The following INPP4B variants were observed in gnomAD, a reference collection of about 807,000 sequenced individuals.
The protein encoded by INPP4B is inositol polyphosphate-4-phosphatase type II B, also known as inositol polyphosphate 4-phosphatase type II.
In INPP4B, 55 loss-of-function variants were observed where a neutral mutation model predicts 122.5. The ratio of observed to expected loss-of-function variants is 0.45; its 90% CI spans 0.36 to 0.56. The LOEUF (loss-of-function observed/expected upper bound fraction) is 0.56. INPP4B is among the 20% of genes least tolerant of loss of function. The pLI is 0.00. For synonymous variants in INPP4B, 403 were observed against 388.7 expected, an observed-to-expected ratio of 1.04 and a Z score of -0.43; for missense variants, 1,000 against 1,097.7, an observed-to-expected ratio of 0.91 and a Z score of 1.26.
At chr4:142,806,851 GGAGAAGAA>G (rs1778929910) in intron 1 of INPP4B, among the ~76,000 whole-genome samples, 2 of 148,016 alleles carry the variant, frequency 1.4e-5, no homozygotes, top group South Asian at 2.1e-4. Context: ...AAGAAAGAAA[GGAGAAGAA>G]AAAGAAACAA....
chr4:142,214,337 C>G (rs1163843159), intron 12 of INPP4B, among the ~76,000 whole-genome samples: 2 of 152,192 alleles, frequency 1.3e-5, no homozygotes, highest in Non-Finnish European at 2.9e-5. Flanking sequence ...ACCACAGACA[C>G]TTTCAGCCCC....
intron 25 of INPP4B, among the ~76,000 whole-genome samples, chr4:142,038,765 G>A (rs906739353): frequency 3.3e-5 from 5 of 152,180 alleles, no homozygotes; most frequent in African/African-American, 4.8e-5. Flanking sequence ...AGTGTAAGGC[G>A]TAGGCTGCCT....
At chr4:142,192,940 T>G in intron 15 of INPP4B, 147 bp downstream of exon 15, 1 of 507,336 alleles carries the variant, frequency 2.0e-6, no homozygotes, top group Non-Finnish European at 3.6e-6. Context: ...CTCTGGTAGT[T>G]TTGAGATATT....
chr4:142,103,688 C>T (rs1300625799), intron 23 of INPP4B, among the ~76,000 whole-genome samples: 1 of 151,958 alleles, frequency 6.6e-6, no homozygotes, highest in Admixed American at 6.6e-5. Flanking sequence ...CGGCATAGAC[C>T]GTATCTTACT....
intron 25 of INPP4B, among the ~76,000 whole-genome samples, chr4:142,067,042 C>T (rs1462132826): frequency 1.3e-5 from 2 of 152,136 alleles, no homozygotes; most frequent in African/African-American, 4.8e-5. Flanking sequence ...GGTCCCTGAC[C>T]CCCAAGTAGC....
At chr4:142,403,551 T>C (rs1178094164) in intron 6 of INPP4B, among the ~76,000 whole-genome samples, 4 of 152,166 alleles carry the variant, frequency 2.6e-5, no homozygotes, top group Admixed American at 6.5e-5. Flanking sequence ...ATTTTTTTTT[T>C]CCTCAGAATC....
chr4:142,707,236 C>T (rs1231235486), intron 2 of INPP4B, among the ~76,000 whole-genome samples: 2 of 152,196 alleles, frequency 1.3e-5, no homozygotes, highest in African/African-American at 4.8e-5. Flanking sequence ...CTTGTCTTCC[C>T]ATTCTCAGTC....
At chr4:142,630,377 A>G (rs1372416851) in intron 2 of INPP4B, among the ~76,000 whole-genome samples, 1 of 152,160 alleles carries the variant, frequency 6.6e-6, no homozygotes, top group Non-Finnish European at 1.5e-5. Flanking sequence ...AAATCAAATT[A>G]AATATTTAAA....
chr4:142,242,888 A>C (rs541692539), intron 11 of INPP4B, among the ~76,000 whole-genome samples: 2 of 151,848 alleles, frequency 1.3e-5, no homozygotes, highest in Admixed American at 6.6e-5. Flanking sequence ...GTGTGGGGGG[A>C]GTGGTGGAGA....
intron 1 of INPP4B, among the ~76,000 whole-genome samples, chr4:142,749,921 T>C (rs998491435): frequency 2.0e-5 from 3 of 151,830 alleles, no homozygotes; most frequent in Admixed American, 6.6e-5. Flanking sequence ...CAATAATAGA[T>C]GAAAAATAAT....
In INPP4B at chr4:142,688,454, A is replaced by G. The variant is rs143115258; in HGVS notation, c.-191+37385T>C. On this transcript the variant is annotated intron_variant, in intron 2 of 25. Transcript: ENST00000262992. ...TTCTCTGGAAAACATTTATCTTTCA[A>G]GACCCAACCAAAAATCCTCCCATAT... 1.4e-4 allele frequency among the ~76,000 whole-genome samples: 22 copies of G among 152,212 alleles called. No homozygotes were observed. In the East Asian group the frequency reaches 3.3e-3, roughly 23 times the overall value.
intron 2 of INPP4B, among the ~76,000 whole-genome samples, chr4:142,490,589 C>T (rs2149780726): frequency 6.6e-6 from 1 of 152,072 alleles, no homozygotes; most frequent in Middle Eastern, 3.4e-3. Flanking sequence ...TAGCAATTTT[C>T]AAGAATATAA....
rs367994086 is a variant in INPP4B at position 142,819,929 on chromosome 4, C to G, written c.-254+26280G>C. 2.0e-5 allele frequency among the ~76,000 whole-genome samples: 3 copies of G among 152,160 alleles called. No individual in the cohort carries two copies. In the East Asian group the frequency reaches 5.8e-4, roughly 30 times the overall value. ...AGTCCTACAGTGAATCTGCCTCGAG[C>G]CGAGGCTAAAATTTACTTGAAATCA... On this transcript the variant is annotated intron_variant, in intron 1 of 25. Coordinates refer to ENST00000262992, the MANE Select transcript of INPP4B (RefSeq NM_001101669.3).
intron 12 of INPP4B, among the ~76,000 whole-genome samples, chr4:142,233,235 T>C (rs1855229683): frequency 1.3e-5 from 2 of 152,036 alleles, no homozygotes; most frequent in Admixed American, 6.6e-5. Flanking sequence ...TGTATGTGTA[T>C]TCCCACAGGT....
intron 1 of INPP4B, among the ~76,000 whole-genome samples, chr4:142,734,749 G>A (rs554491854): frequency 3.9e-5 from 6 of 152,218 alleles, no homozygotes; most frequent in African/African-American, 1.4e-4. Context: ...GGGATCGAGC[G>A]ATTCTCTTGC....
At chr4:142,699,624 T>C (rs1205441838) in intron 2 of INPP4B, among the ~76,000 whole-genome samples, 5 of 152,218 alleles carry the variant, frequency 3.3e-5, no homozygotes, top group Non-Finnish European at 7.3e-5. Flanking sequence ...CTCATGCATA[T>C]ACCTCAAATT....
intron 8 of INPP4B, among the ~76,000 whole-genome samples, chr4:142,309,913 A>G (rs2151258713): frequency 6.6e-6 from 1 of 152,308 alleles, no homozygotes; most frequent in Middle Eastern, 3.4e-3. Flanking sequence ...CCACATGAAT[A>G]GTGTAACCCA....
At position 142,489,683 on chromosome 4, in the gene INPP4B, C is replaced by T. The variant is rs10030505; in HGVS notation, c.-190-26957G>A. Among the ~76,000 whole-genome samples the T allele has an allele frequency of 9.5e-3, 1,451 of 152,214 alleles. 21 individuals are homozygous for T. Among genetic ancestry groups the T allele is most frequent in the African/African-American group, 0.033 (1,374 of 41,542 alleles). ...GGCTGGGATTACAGGTGTGAGCCAC[C>T]ACACCTGGCGTAGATGGTGTTTAGG... On this transcript the variant is annotated intron_variant, in intron 2 of 25. Transcript: ENST00000262992.
Position 142,061,927 on chromosome 4 carries a change from T to C in INPP4B, c.2642+20104A>G, listed in dbSNP as rs1272543036. On this transcript the variant is annotated intron_variant, in intron 25 of 25. Transcript: ENST00000262992. ...ATATATATATATATATATATATATA[T>C]ATATATATATATATCTGTAACTTTG... Among the ~76,000 whole-genome samples, 62 of 42,766 alleles carry C rather than the reference T, an allele frequency of 1.4e-3. No homozygotes were observed. The Admixed American group carries it at 0.015, about 10-fold the overall frequency. 28.1% of individuals were successfully genotyped at this position (42,766 alleles called of 152,430 possible).
Sources: gnomAD v4.1 joint callset for allele counts (sites outside exome capture counted in the v4.1 genomes callset) on GRCh38, gnomAD v4.1.1 for gene constraint, MANE v1.5 for transcripts, NCBI Gene and HGNC (gene_info 2026-07-23, HGNC 2026-07-21) for gene names.